COQ8A: variants seen among roughly 807,000 people sequenced by gnomAD.
COQ8A encodes coenzyme Q8A.
COQ8A carries 51 observed loss-of-function variants against 65.0 expected under a neutral mutation model. That is an observed-to-expected ratio of 0.78 (90% CI 0.63 to 0.99). The LOEUF is 0.99. Ranked by LOEUF, COQ8A falls within the 50% of genes least tolerant of loss-of-function variation. The probability of loss-of-function intolerance (pLI) is 0.00; values close to 1 mark genes in which losing one functional copy is unlikely to be tolerated. For synonymous variants in COQ8A, 371 were observed against 353.2 expected (o/e 1.05, Z -0.57); for missense variants, 940 against 875.0 (o/e 1.07, Z -0.94).
rs780764114 is a variant in COQ8A, at chr1:226,984,092, A to C, written c.1257-2A>C. ...AGGGCGTGACCTCCCTCCCCTACCCAGGGACCTGCTGAAGGGCCACCCCTT... is the reference window on the plus strand; with the variant it reads ...AGGGCGTGACCTCCCTCCCCTACCCCGGGACCTGCTGAAGGGCCACCCCTT... On this transcript the variant is annotated splice_acceptor_variant, in intron 10 of 14. Coordinates refer to ENST00000366777, the MANE Select transcript of COQ8A (RefSeq NM_020247.5). LOFTEE classifies it high-confidence loss of function. The C allele has an allele frequency of 6.2e-7, 1 of 1,613,334 alleles. No homozygotes were observed. Among genetic ancestry groups the C allele is most frequent in the Non-Finnish European group, 8.5e-7 (1 of 1,179,944 alleles).
At chr1:226,983,194 C>A in intron 8 of COQ8A, 160 bp downstream of exon 8, 1 of 1,157,756 alleles carries the variant, frequency 8.6e-7, no homozygotes, top group Non-Finnish European at 1.2e-6. Flanking sequence ...TGGACGGCAC[C>A]AGAAGCTTGG....
In COQ8A at chr1:226,978,771, C is replaced by T. The variant is rs1360140145; in HGVS notation, c.730+1248C>T. 3.9e-5 allele frequency among the ~76,000 whole-genome samples: 4 copies of T among 103,558 alleles called. 1 individual carries two copies. The allele number at this position is 103,558 out of a possible 152,430, so 67.9% of individuals were successfully genotyped here. Reference sequence around the variant, plus strand: ...TACACACCCACCTCACACCCGCATACCTCCGTACACACCCACCTCTCACCC... The same window carrying T: ...TACACACCCACCTCACACCCGCATATCTCCGTACACACCCACCTCTCACCC... On this transcript the variant is annotated intron_variant, in intron 5 of 14. Coordinates refer to ENST00000366777, the MANE Select transcript of COQ8A (RefSeq NM_020247.5).
At chr1:226,981,820 A>T (rs1230705256) in intron 5 of COQ8A, among the ~76,000 whole-genome samples, 1 of 152,100 alleles carries the variant, frequency 6.6e-6, no homozygotes, top group Non-Finnish European at 1.5e-5. Context: ...GCCTGTGTGT[A>T]TTGGGAGGCG....
At position 226,965,692 on chromosome 1, in the gene COQ8A, C is replaced by T. The variant is rs540907139; in HGVS notation, c.610C>T (p.Arg204Trp). The T allele has an allele frequency of 2.4e-5, 39 of 1,614,002 alleles. No individual in the cohort carries two copies. Among genetic ancestry groups the T allele is most frequent in the Non-Finnish European group, 2.8e-5 (33 of 1,180,030 alleles). Reference sequence around the variant, plus strand: ...CCAGCTCAGCGAGCATGCCCGGGAGCGGAAGGTGCCTGTGACGAGGATTGG... The same window carrying T: ...CCAGCTCAGCGAGCATGCCCGGGAGTGGAAGGTGCCTGTGACGAGGATTGG... ...KQTLSEHARE[R>W]KVPVTRIGRL... Residue 204 changes from arginine to tryptophan, a missense_variant, in exon 4 of 15, where the codon CGG becomes TGG. Transcript: ENST00000366777.
At chr1:226,955,423 ACT>A (rs1159667355) in intron 1 of COQ8A, among the ~76,000 whole-genome samples, 14 of 116,356 alleles carry the variant, frequency 1.2e-4, no homozygotes, top group Middle Eastern at 7.1e-3. Context: ...CCTGGCTGCC[ACT>A]CTCCCTGGTT....
Position 226,984,550 on chromosome 1 carries a change from C to T in COQ8A, c.1401C>T (p.Ile467=). Reference sequence around the variant, plus strand: ...CAGACCCTTCGCGCTGTCCACAGATCTGCTACAACATCCTGGTTCTGTGCC... The same window carrying T: ...CAGACCCTTCGCGCTGTCCACAGATTTGCTACAACATCCTGGTTCTGTGCC... ...EGLSQEIRNE[I]CYNILVLCLR... is the part of the protein sequence containing the mutation. The change falls in exon 12 of 15, where the codon ATC becomes ATT. Residue 467 remains isoleucine, a splice_region_variant and synonymous_variant. Transcript: ENST00000366777. 6.2e-7 allele frequency: 1 copy of T among 1,613,162 alleles called. No homozygotes were observed. Among genetic ancestry groups the T allele is most frequent in the South Asian group, 1.1e-5 (1 of 91,078 alleles).
rs766591347 is a variant in COQ8A, at chr1:226,986,735, T to G, written c.1942T>G (p.Ter648GluextTer27). The change falls in exon 15 of 15, where the codon TAG (stop) becomes GAG (glutamate). Residue 648 changes from the stop codon to glutamate (E), a stop_lost. Transcript: ENST00000366777. ...SNYCKRQAQQ[*>E] ...CTACTGCAAGAGGCAGGCCCAGCAGTAGGGCTGCGGGCCACGCCCAGGCCG... is the reference window on the plus strand; with the variant it reads ...CTACTGCAAGAGGCAGGCCCAGCAGGAGGGCTGCGGGCCACGCCCAGGCCG... The G allele has an allele frequency of 4.3e-6, 7 of 1,612,438 alleles. No homozygotes were observed. In the East Asian group the frequency reaches 1.6e-4, roughly 36 times the overall value.
chr1:226,982,230 C>T, intron 6 of COQ8A, 81 bp downstream of exon 6: 1 of 1,519,818 alleles, frequency 6.6e-7, no homozygotes, highest in Non-Finnish European at 8.8e-7. Context: ...AGCAGTGGCC[C>T]CACCAAAGCT....
At chr1:226,966,419 C>T (rs1019411101) in intron 4 of COQ8A, among the ~76,000 whole-genome samples, 5 of 152,226 alleles carry the variant, frequency 3.3e-5, no homozygotes, top group African/African-American at 9.6e-5. Flanking sequence ...GCTGCTAATG[C>T]GCTGGCCCAG....
intron 5 of COQ8A, among the ~76,000 whole-genome samples, chr1:226,980,205 G>C (rs1659603598): frequency 1.3e-5 from 2 of 152,224 alleles, no homozygotes; most frequent in South Asian, 4.1e-4. Flanking sequence ...TTCCTGAGCT[G>C]GGGGCACACT....
chr1:226,957,586 A>AG (rs57102402), intron 1 of COQ8A, among the ~76,000 whole-genome samples: 1 of 152,126 alleles, frequency 6.6e-6, no homozygotes, highest in Non-Finnish European at 1.5e-5. Context: ...TTGGCTGTGA[A>AG]GGGGGGACTT....
rs185533747 is a variant in COQ8A, at chr1:226,968,071, A to G, written c.655+2334A>G. 7.9e-5 allele frequency among the ~76,000 whole-genome samples: 12 copies of G among 152,284 alleles called. No individual in the cohort carries two copies. The East Asian group carries it at 2.3e-3, about 29-fold the overall frequency. ...GGATCAGCATATAAAAAACAAGTTA[A>G]CTGTAATCTCAGCACTTTGGGAGGC... On this transcript the variant is annotated intron_variant, in intron 4 of 14. Transcript: ENST00000366777.
At chr1:226,961,926 G>A (rs372205512) in intron 2 of COQ8A, among the ~76,000 whole-genome samples, 9 of 152,196 alleles carry the variant, frequency 5.9e-5, no homozygotes, top group African/African-American at 1.9e-4. Context: ...GGAGGGCAAG[G>A]CTGCTCTCTA....
chr1:226,985,568 T>G (rs1660052336), intron 14 of COQ8A, among the ~76,000 whole-genome samples: 1 of 152,206 alleles, frequency 6.6e-6, no homozygotes, highest in African/African-American at 2.4e-5. Context: ...AAGCTCTTGT[T>G]TCTGCCTCTC....
intron 9 of COQ8A, 40 bp downstream of exon 9, chr1:226,983,673 G>T (rs1250007560): frequency 6.2e-7 from 1 of 1,612,380 alleles, no homozygotes; most frequent in South Asian, 1.1e-5. Flanking sequence ...AGGAGTGGGT[G>T]GCAGGCATCT....
chr1:226,941,605 GA>G (rs776040499), intron 1 of COQ8A, among the ~76,000 whole-genome samples: 1,976 of 143,188 alleles, frequency 0.014, 23 homozygotes, highest in African/African-American at 0.036. Flanking sequence ...CGTCTCTACC[GA>G]AAAAAAAAAA....
Position 226,984,169 on chromosome 1 carries a change from C to A in COQ8A, c.1332C>A (p.Thr444=). The part of the protein sequence containing the change: ...VDELCSPHVL[T]TELVSGFPLD... ...AGCTCTGCAGCCCACATGTGCTGAC[C>A]ACAGAGCTGGTGTCTGGCTTCCCCC... is the stretch of plus-strand genomic sequence containing the variant. Residue 444 remains threonine (T), a synonymous_variant, in exon 11 of 15, where the codon ACC becomes ACA. Transcript: ENST00000366777. 1 of 1,613,858 alleles carries A rather than the reference C, an allele frequency of 6.2e-7. No individual in the cohort carries two copies. The highest frequency in any genetic ancestry group is 8.5e-7 in the Non-Finnish European group (1 of 1,179,994).
At chr1:226,977,296 A>G in intron 4 of COQ8A, 153 bp from the exon 5 acceptor site, 2 of 669,412 alleles carry the variant, frequency 3.0e-6, no homozygotes, top group Non-Finnish European at 5.1e-6. Flanking sequence ...GGCATCTCCC[A>G]CCTTGTTCCC....
rs2148010163 is a variant in COQ8A, at chr1:226,949,144, G to A, written c.-10+8745G>A. 6.6e-6 allele frequency among the ~76,000 whole-genome samples: 1 copy of A among 152,032 alleles called. No individual in the cohort carries two copies. The highest frequency in any genetic ancestry group is 3.4e-3 in the Middle Eastern group (1 of 290). ...GATGAAGGGGCGAGCGGGCCTGCCT[G>A]AGAAAGTAGGACCTGCAGAGTGGAG... On this transcript the variant is annotated intron_variant, in intron 1 of 14. Transcript: ENST00000366777. The surrounding 1 kb of genome is among the most constrained non-coding windows in gnomAD (Gnocchi z 4.0).
Sources: gnomAD v4.1 joint callset for allele counts (sites outside exome capture counted in the v4.1 genomes callset) on GRCh38, gnomAD v4.1.1 for gene constraint, Gnocchi (gnomAD v3.1) non-coding constraint, MANE v1.5 for transcripts, NCBI Gene and HGNC (gene_info 2026-07-23, HGNC 2026-07-21) for gene names.